PTPRN2: variants seen among roughly 807,000 people sequenced by gnomAD.
PTPRN2 encodes the protein receptor-type tyrosine-protein phosphatase N2.
A neutral mutation model predicts 118.8 loss-of-function variants in PTPRN2; 74 were observed. That is an observed-to-expected ratio of 0.62 (90% CI 0.52 to 0.76). The LOEUF (loss-of-function observed/expected upper bound fraction) is 0.76. PTPRN2 is among the 30% of genes least tolerant of loss of function. PTPRN2 has a pLI of 0.00. For missense variants in PTPRN2, 1,481 were observed against 1,394.4 expected (o/e 1.06, Z -0.99); for synonymous variants, 641 against 608.0 (o/e 1.05, Z -0.80).
chr7:158,145,498 C>A (rs372295869), intron 6 of PTPRN2, among the ~76,000 whole-genome samples: 1 of 152,240 alleles, frequency 6.6e-6, no homozygotes, highest in African/African-American at 2.4e-5. Context: ...AACTGGCAGG[C>A]ATCCACCCTT....
intron 2 of PTPRN2, among the ~76,000 whole-genome samples, chr7:158,459,480 G>A (rs1311305788): frequency 2.6e-5 from 4 of 152,090 alleles, no homozygotes; most frequent in East Asian, 1.9e-4. Flanking sequence ...AAAGGACGTC[G>A]GCTCTGCACC....
At chr7:158,506,508 G>A (rs569539404) in intron 1 of PTPRN2, among the ~76,000 whole-genome samples, 11 of 152,054 alleles carry the variant, frequency 7.2e-5, no homozygotes, top group Admixed American at 3.9e-4. Context: ...GCCACCTCCC[G>A]CCTAGCACCT....
At chr7:157,642,820 A>AAAAAG (rs2150698418) in intron 14 of PTPRN2, among the ~76,000 whole-genome samples, 1 of 135,130 alleles carries the variant, frequency 7.4e-6, no homozygotes, top group South Asian at 2.3e-4. Context: ...ACAGCAAAAA[A>AAAAAG]AAAAAAAAAA....
chr7:158,391,441 C>T (rs1048206093), intron 2 of PTPRN2, among the ~76,000 whole-genome samples: 4 of 152,198 alleles, frequency 2.6e-5, no homozygotes, highest in Non-Finnish European at 4.4e-5. Flanking sequence ...TGCAGAGGCC[C>T]GTCGGGAAAG....
Position 157,949,469 on chromosome 7 carries a change from T to C in PTPRN2, c.1724-50732A>G, listed in dbSNP as rs78916566. 8.3e-3 allele frequency among the ~76,000 whole-genome samples: 1,267 copies of C among 152,362 alleles called. 21 individuals carry two copies. Among genetic ancestry groups the C allele is most frequent in the African/African-American group, 0.029 (1,188 of 41,578 alleles). ...ATGGACAGGAGTTTATTCCTCTTTG[T>C]GCTACCCAGCACAGTGCCTGGAATA... On this transcript the variant is annotated intron_variant, in intron 11 of 22. Coordinates refer to ENST00000389418, the MANE Select transcript of PTPRN2 (RefSeq NM_002847.5).
At chr7:158,084,847 C>T (rs1274628507) in intron 10 of PTPRN2, among the ~76,000 whole-genome samples, 1 of 145,244 alleles carries the variant, frequency 6.9e-6, no homozygotes, top group Non-Finnish European at 1.5e-5. Context: ...CCACGATGCC[C>T]ATCCACATCC....
intron 12 of PTPRN2, among the ~76,000 whole-genome samples, chr7:157,762,420 A>G (rs1295232677): frequency 6.6e-6 from 1 of 152,084 alleles, no homozygotes; most frequent in Non-Finnish European, 1.5e-5. Flanking sequence ...AGCCATAAAA[A>G]ATGATGAGTT....
intron 11 of PTPRN2, among the ~76,000 whole-genome samples, chr7:157,954,486 G>A (rs1219856365): frequency 1.5e-5 from 2 of 136,626 alleles, no homozygotes; most frequent in African/African-American, 5.7e-5. Flanking sequence ...CTATGTGGGT[G>A]GTGCCTGTGT....
At position 157,801,087 on chromosome 7, in the gene PTPRN2, A is replaced by G. The variant is rs377216770; in HGVS notation, c.1788+97586T>C. Among the ~76,000 whole-genome samples, 13 of 151,928 alleles carry G rather than the reference A, an allele frequency of 8.6e-5. No individual in the cohort carries two copies. The highest frequency in any genetic ancestry group is 5.8e-4 in the East Asian group (3 of 5,184). On this transcript the variant is annotated intron_variant, in intron 12 of 22. Transcript: ENST00000389418. This position sits in a 1 kb window ranked among gnomAD's most constrained non-coding sequence, Gnocchi z 4.2. ...TATACACATATATATACACACACAC[A>G]CACATATATATATGCACATATATAT...
At chr7:158,177,176 A>G (rs1276820658) in intron 5 of PTPRN2, among the ~76,000 whole-genome samples, 1 of 152,188 alleles carries the variant, frequency 6.6e-6, no homozygotes, top group East Asian at 1.9e-4. Context: ...GCAGCTTCCA[A>G]ATACAGGTTA....
intron 2 of PTPRN2, among the ~76,000 whole-genome samples, chr7:158,475,456 G>A (rs375315279): frequency 3.9e-5 from 6 of 152,214 alleles, no homozygotes; most frequent in Middle Eastern, 3.4e-3. Context: ...CCTTGTGCAC[G>A]CTTCGCCCCT....
intron 11 of PTPRN2, among the ~76,000 whole-genome samples, chr7:157,926,330 A>G (rs1370154150): frequency 6.6e-6 from 1 of 152,214 alleles, no homozygotes; most frequent in Non-Finnish European, 1.5e-5. Flanking sequence ...TCCATGCGTC[A>G]CGTCCCTCTG....
chr7:158,298,921 G>T (rs575089836), intron 3 of PTPRN2, among the ~76,000 whole-genome samples: 2 of 152,304 alleles, frequency 1.3e-5, no homozygotes, highest in South Asian at 4.1e-4. Context: ...CTGAGCCACA[G>T]GAACACGATG....
intron 11 of PTPRN2, among the ~76,000 whole-genome samples, chr7:157,993,115 C>T (rs12668716): frequency 0.66 from 100,449 of 152,012 alleles, 33,439 homozygotes; most frequent in East Asian, 0.71. Context: ...GAGGTGTGAG[C>T]TGCAACTTTC....
At chr7:158,434,003 T>G (rs988111195) in intron 2 of PTPRN2, among the ~76,000 whole-genome samples, 4 of 152,196 alleles carry the variant, frequency 2.6e-5, no homozygotes, top group Admixed American at 2.6e-4. Flanking sequence ...TAGGGATTTT[T>G]TTTTCCATTT....
intron 12 of PTPRN2, among the ~76,000 whole-genome samples, chr7:157,888,770 G>T (rs1485178887): frequency 1.3e-5 from 2 of 152,158 alleles, no homozygotes; most frequent in Non-Finnish European, 2.9e-5. Flanking sequence ...CCAGATGGTG[G>T]CTGCTCCCCT....
chr7:157,701,109 A>G (rs1043603847), intron 12 of PTPRN2, among the ~76,000 whole-genome samples: 3 of 152,138 alleles, frequency 2.0e-5, no homozygotes, highest in African/African-American at 4.8e-5. Flanking sequence ...TCCCAGAGAA[A>G]CCGTGGAATT....
intron 11 of PTPRN2, among the ~76,000 whole-genome samples, chr7:157,941,240 C>T (rs762176822): frequency 2.5e-5 from 2 of 81,448 alleles, no homozygotes; most frequent in African/African-American, 8.5e-5. Flanking sequence ...ACCCTCCCCA[C>T]CATGACACTG....
chr7:158,124,781 G>A (rs909068946), intron 9 of PTPRN2, among the ~76,000 whole-genome samples: 1 of 152,182 alleles, frequency 6.6e-6, no homozygotes, highest in Non-Finnish European at 1.5e-5. Flanking sequence ...GGTCAGCCTG[G>A]GCCACGCTGG....
Sources: gnomAD v4.1 joint callset for allele counts (sites outside exome capture counted in the v4.1 genomes callset) on GRCh38, gnomAD v4.1.1 for gene constraint, Gnocchi (gnomAD v3.1) non-coding constraint, MANE v1.5 for transcripts, NCBI Gene and HGNC (gene_info 2026-07-23, HGNC 2026-07-21) for gene names.